SPAG16: variants seen among roughly 807,000 people sequenced by gnomAD.
SPAG16 encodes the protein sperm associated antigen 16.
In SPAG16, 86 loss-of-function variants were observed where a neutral mutation model predicts 80.4. The observed-to-expected ratio is 1.07, with a 90% confidence interval of 0.90 to 1.28. SPAG16 has a LOEUF of 1.28. Ranked by LOEUF, SPAG16 falls within the 50% of genes most tolerant of loss-of-function variation. The pLI is 0.00. For missense variants in SPAG16, 870 were observed against 765.3 expected, an observed-to-expected ratio of 1.14 and a Z score of -1.61; for synonymous variants, 294 against 265.9, an observed-to-expected ratio of 1.11 and a Z score of -1.03.
chr2:213,557,493 G>A (rs916066551), intron 10 of SPAG16, among the ~76,000 whole-genome samples: 2 of 151,864 alleles, frequency 1.3e-5, no homozygotes, highest in African/African-American at 4.8e-5. Context: ...AGAGTATTCT[G>A]AAAACGTTTT....
intron 12 of SPAG16, among the ~76,000 whole-genome samples, chr2:213,933,761 T>C (rs1260017743): frequency 6.6e-6 from 1 of 152,238 alleles, no homozygotes; most frequent in South Asian, 2.1e-4. Context: ...CCAATACTCT[T>C]GTAATTACAT....
At chr2:213,655,088 A>G (rs2063172854) in intron 10 of SPAG16, among the ~76,000 whole-genome samples, 1 of 152,236 alleles carries the variant, frequency 6.6e-6, no homozygotes, top group South Asian at 2.1e-4. Context: ...CATAGAATGC[A>G]TAACACCAAG....
intron 15 of SPAG16, among the ~76,000 whole-genome samples, chr2:214,221,898 T>C (rs2058580582): frequency 6.6e-6 from 1 of 152,012 alleles, no homozygotes; most frequent in Admixed American, 6.6e-5. Flanking sequence ...AATCAGCCAA[T>C]ACTGTTTAAG....
intron 10 of SPAG16, among the ~76,000 whole-genome samples, chr2:213,578,069 A>G (rs1242826475): frequency 1.3e-5 from 2 of 152,194 alleles, no homozygotes; most frequent in Admixed American, 6.5e-5. Flanking sequence ...ATTGTAGCAG[A>G]AGGAGGAAAT....
At chr2:213,394,416 T>C (rs565988871) in intron 9 of SPAG16, among the ~76,000 whole-genome samples, 1 of 152,182 alleles carries the variant, frequency 6.6e-6, no homozygotes. Context: ...ATATGTAAGA[T>C]ATAAATCAGA....
chr2:213,673,662 A>C (rs1417417673), intron 10 of SPAG16, among the ~76,000 whole-genome samples: 1 of 152,232 alleles, frequency 6.6e-6, no homozygotes, highest in Non-Finnish European at 1.5e-5. Flanking sequence ...GTACAGGGTC[A>C]GTGTTGAAAA....
chr2:213,357,578 C>T (rs1047658580), intron 7 of SPAG16, among the ~76,000 whole-genome samples: 5 of 152,206 alleles, frequency 3.3e-5, no homozygotes, highest in South Asian at 4.2e-4. Context: ...AGGATTGCAA[C>T]CCCTGCTTTT....
chr2:213,619,421 G>T (rs1422569268), intron 10 of SPAG16, among the ~76,000 whole-genome samples: 1 of 152,024 alleles, frequency 6.6e-6, no homozygotes. Flanking sequence ...ATCTGAAAAG[G>T]GGCTAATATC....
intron 13 of SPAG16, among the ~76,000 whole-genome samples, chr2:214,067,552 C>T (rs566833031): frequency 1.3e-4 from 20 of 150,868 alleles, no homozygotes; most frequent in African/African-American, 4.1e-4. Flanking sequence ...ATTACTATTG[C>T]GTACACTTAT....
intron 8 of SPAG16, among the ~76,000 whole-genome samples, chr2:213,368,367 A>G (rs1359908633): frequency 2.0e-5 from 3 of 152,102 alleles, no homozygotes; most frequent in East Asian, 1.9e-4. Context: ...GAATCTATAC[A>G]CTTCATGCTA....
chr2:213,807,568 A>G (rs993973741), intron 10 of SPAG16, among the ~76,000 whole-genome samples: 13 of 152,144 alleles, frequency 8.5e-5, no homozygotes, highest in Admixed American at 7.2e-4. Flanking sequence ...TTTACCTTCC[A>G]GCAAAAGTGT....
intron 9 of SPAG16, among the ~76,000 whole-genome samples, chr2:213,421,916 G>A (rs1433966212): frequency 2.6e-5 from 4 of 152,064 alleles, no homozygotes; most frequent in African/African-American, 4.8e-5. Flanking sequence ...TTGGGCTGAC[G>A]TGCCTGCAGA....
At chr2:213,781,612 C>T (rs77477399) in intron 10 of SPAG16, among the ~76,000 whole-genome samples, 1,564 of 152,186 alleles carry the variant, frequency 0.01, 18 homozygotes, top group Non-Finnish European at 0.016. Context: ...AAACGGAAAG[C>T]GGTATTTTAC....
chr2:214,187,208 CCA>C (rs144461208), intron 15 of SPAG16, among the ~76,000 whole-genome samples: 1 of 150,698 alleles, frequency 6.6e-6, no homozygotes, highest in Non-Finnish European at 1.5e-5. Flanking sequence ...ATATATATCC[CCA>C]CACACACACA....
chr2:213,852,523 C>T (rs2105913059), intron 10 of SPAG16, among the ~76,000 whole-genome samples: 1 of 152,190 alleles, frequency 6.6e-6, no homozygotes, highest in Middle Eastern at 3.4e-3. Flanking sequence ...CTCGGCTTTC[C>T]TTCTGTCCCT....
chr2:213,318,749 T>C (rs767305895), intron 5 of SPAG16, among the ~76,000 whole-genome samples: 71 of 152,046 alleles, frequency 4.7e-4, no homozygotes, highest in Non-Finnish European at 4.1e-4. Context: ...TGCATTTATA[T>C]TAATGCATAT....
chr2:213,343,975 A>T (rs1019097035), intron 6 of SPAG16, among the ~76,000 whole-genome samples: 47 of 152,262 alleles, frequency 3.1e-4, no homozygotes, highest in African/African-American at 1.1e-3. Context: ...TTAAGTATAC[A>T]AATTCAAATT....
chr2:213,640,126 T>C (rs1451944397), intron 10 of SPAG16, among the ~76,000 whole-genome samples: 1 of 152,142 alleles, frequency 6.6e-6, no homozygotes, highest in Non-Finnish European at 1.5e-5. Context: ...TCTCTGGAGA[T>C]TTTTTTCATC....
chr2:213,346,122 T>C (rs955767350), intron 6 of SPAG16, among the ~76,000 whole-genome samples: 9 of 152,172 alleles, frequency 5.9e-5, no homozygotes, highest in African/African-American at 1.9e-4. Flanking sequence ...GATTCCTAGG[T>C]ATTTTATTCT....
Sources: gnomAD v4.1 joint callset for allele counts (sites outside exome capture counted in the v4.1 genomes callset) on GRCh38, gnomAD v4.1.1 for gene constraint, MANE v1.5 for transcripts, NCBI Gene and HGNC (gene_info 2026-07-23, HGNC 2026-07-21) for gene names.